The following CAP2 variants were observed in gnomAD, a reference collection of about 807,000 sequenced individuals.
CAP2 encodes the protein cyclase associated actin cytoskeleton regulatory protein 2.
CAP2 carries 24 observed loss-of-function variants against 57.7 expected under a neutral mutation model. That is an observed-to-expected ratio of 0.42 (90% CI 0.30 to 0.58). The LOEUF is 0.58. Ranked by LOEUF, CAP2 falls within the 20% of genes least tolerant of loss-of-function variation. The probability of loss-of-function intolerance (pLI) is 0.22; values close to 1 mark genes in which losing one functional copy is unlikely to be tolerated. For synonymous variants in CAP2, 194 were observed against 207.2 expected, an observed-to-expected ratio of 0.94 and a Z score of 0.55; for missense variants, 501 against 590.3, an observed-to-expected ratio of 0.85 and a Z score of 1.57.
At chr6:17,482,507 CAAAAAAAAAAAAAAAA>C (rs60053497) in intron 4 of CAP2, among the ~76,000 whole-genome samples, 1,624 of 70,870 alleles carry the variant, frequency 0.023, 65 homozygotes, top group African/African-American at 0.077. Context: ...GACTCCATCT[CAAAAAAAAAAAAAAAA>C]AAAAAAAAAA....
intron 12 of CAP2, among the ~76,000 whole-genome samples, chr6:17,555,038 T>A (rs1022062070): frequency 4.6e-5 from 7 of 152,102 alleles, no homozygotes; most frequent in African/African-American, 1.4e-4. Context: ...TATCAAAGAG[T>A]AGAGAGCTAC....
chr6:17,404,268 C>G (rs961063569), intron 1 of CAP2, among the ~76,000 whole-genome samples: 4 of 152,018 alleles, frequency 2.6e-5, no homozygotes, highest in Admixed American at 2.0e-4. Context: ...GTCAGGCGTT[C>G]GAGACCAGCC....
intron 11 of CAP2, among the ~76,000 whole-genome samples, chr6:17,549,210 T>G (rs1763117759): frequency 6.6e-6 from 1 of 152,206 alleles, no homozygotes; most frequent in East Asian, 1.9e-4. Context: ...ACGCCTGTAA[T>G]CCCAGAACTT....
At chr6:17,412,823 G>A (rs1179891956) in intron 1 of CAP2, among the ~76,000 whole-genome samples, 1 of 152,196 alleles carries the variant, frequency 6.6e-6, no homozygotes, top group Non-Finnish European at 1.5e-5. Context: ...ATGGGATGGC[G>A]AGGAAATTGT....
chr6:17,408,149 A>G (rs1374300653), intron 1 of CAP2, among the ~76,000 whole-genome samples: 1 of 152,192 alleles, frequency 6.6e-6, no homozygotes, highest in East Asian at 1.9e-4. Context: ...ATTTACAAAG[A>G]TTAGAGGTTT....
intron 3 of CAP2, among the ~76,000 whole-genome samples, chr6:17,430,564 A>G (rs570522851): frequency 1.3e-5 from 2 of 148,562 alleles, no homozygotes; most frequent in South Asian, 2.1e-4. Context: ...TTCGAGACAG[A>G]GTCTTGCTCT....
intron 3 of CAP2, among the ~76,000 whole-genome samples, chr6:17,431,724 G>A (rs1759742739): frequency 6.6e-6 from 1 of 152,112 alleles, no homozygotes; most frequent in African/African-American, 2.4e-5. Context: ...TTGACAGCAT[G>A]ACCTTGAGCT....
chr6:17,528,692 A>G (rs1174051311), intron 7 of CAP2, among the ~76,000 whole-genome samples: 3 of 152,100 alleles, frequency 2.0e-5, no homozygotes, highest in Non-Finnish European at 4.4e-5. Context: ...CAATTCCTTC[A>G]TATTTGTGGG....
chr6:17,442,338 G>A (rs550738579), intron 3 of CAP2, among the ~76,000 whole-genome samples: 12 of 152,252 alleles, frequency 7.9e-5, no homozygotes, highest in South Asian at 2.1e-4. Flanking sequence ...GATGTTCGCC[G>A]CCAGGAAACC....
chr6:17,503,047 A>C (rs1361048473), intron 4 of CAP2, among the ~76,000 whole-genome samples: 1 of 152,184 alleles, frequency 6.6e-6, no homozygotes, highest in Non-Finnish European at 1.5e-5. Context: ...AGCATGACAT[A>C]ATTGTATTTG....
rs374375653 is a variant in CAP2 at position 17,458,201 on chromosome 6, T to A, written c.223-4795T>A. Among the ~76,000 whole-genome samples, 3 of 152,336 alleles carry A rather than the reference T, an allele frequency of 2.0e-5. No individual in the cohort carries two copies. The East Asian group carries it at 5.8e-4, about 29-fold the overall frequency. On this transcript the variant is annotated intron_variant, in intron 3 of 12. Transcript: ENST00000229922. ...TAATGGCCTCCAGGGCAGTGAGATT[T>A]GAAAGCCCTCTATTCTTCCCTAATG...
chr6:17,484,679 C>T (rs958352015), intron 4 of CAP2, among the ~76,000 whole-genome samples: 3 of 152,054 alleles, frequency 2.0e-5, no homozygotes, highest in East Asian at 1.9e-4. Flanking sequence ...TATATGGAGC[C>T]GGGTCCGTGC....
chr6:17,396,630 G>T (rs918130617), intron 1 of CAP2, among the ~76,000 whole-genome samples: 1 of 152,180 alleles, frequency 6.6e-6, no homozygotes, highest in Admixed American at 6.5e-5. Context: ...ATTTTTTGTT[G>T]CTTAGGGCTG....
chr6:17,438,596 G>A (rs1162339143), intron 3 of CAP2, among the ~76,000 whole-genome samples: 3 of 144,766 alleles, frequency 2.1e-5, no homozygotes, highest in Admixed American at 6.8e-5. Context: ...CCACAACCAC[G>A]TCCAGCTAAT....
chr6:17,399,065 G>GCTTT (rs1218707513), intron 1 of CAP2, among the ~76,000 whole-genome samples: 1 of 151,812 alleles, frequency 6.6e-6, no homozygotes, highest in Non-Finnish European at 1.5e-5. Context: ...TGCTACATGA[G>GCTTT]CTTTGTTTGT....
rs1448855332 is a variant in CAP2 at position 17,538,985 on chromosome 6, G to A, written c.637-284G>A. Among the ~76,000 whole-genome samples, 3 of 152,136 alleles carry A rather than the reference G, an allele frequency of 2.0e-5. No individual in the cohort carries two copies. In the East Asian group the frequency reaches 5.8e-4, roughly 29 times the overall value. On this transcript the variant is annotated intron_variant, in intron 7 of 12. Transcript: ENST00000229922. ...ATCCTGAGCCTTGGACCTGGACTTGGGAGTATGGCTCGTTTGCCTCTGATT... is the reference window on the plus strand; with the variant it reads ...ATCCTGAGCCTTGGACCTGGACTTGAGAGTATGGCTCGTTTGCCTCTGATT...
At chr6:17,407,778 C>CAAAAAAAAAAAAAAAAAAAAAAAAAA (rs60480016) in intron 1 of CAP2, among the ~76,000 whole-genome samples, 1 of 69,354 alleles carries the variant, frequency 1.4e-5, no homozygotes, top group Non-Finnish European at 2.8e-5. Flanking sequence ...GACTCGGTCT[C>CAAAAAAAAAAAAAAAAAAAAAAAAAA]AAAAAAAAAA....
chr6:17,550,915 C>T (rs1271716662), intron 11 of CAP2, among the ~76,000 whole-genome samples: 2 of 152,100 alleles, frequency 1.3e-5, no homozygotes, highest in Non-Finnish European at 2.9e-5. Flanking sequence ...AATTCAGCCA[C>T]TGAGATTTTT....
chr6:17,397,963 C>T (rs1758713895), intron 1 of CAP2, among the ~76,000 whole-genome samples: 1 of 151,402 alleles, frequency 6.6e-6, no homozygotes, highest in African/African-American at 2.4e-5. Flanking sequence ...CTTTGACTTA[C>T]ACATTGATGG....
Sources: allele counts gnomAD v4.1 joint callset (sites outside exome capture counted in the v4.1 genomes callset), GRCh38; gene constraint gnomAD v4.1.1; transcripts MANE v1.5; gene names NCBI Gene and HGNC (gene_info 2026-07-23, HGNC 2026-07-21).